HOXA3: variants seen among roughly 807,000 people sequenced by gnomAD.
The protein encoded by HOXA3 is homeobox protein Hox-A3.
Under a neutral mutation model 30.3 loss-of-function variants are expected in HOXA3, and 8 were observed. That is an observed-to-expected ratio of 0.26 (90% CI 0.15 to 0.48). HOXA3 has a LOEUF of 0.48. HOXA3 is among the 20% of genes least tolerant of loss of function. The pLI is 0.99. For missense variants in HOXA3, 653 were observed against 614.4 expected, an observed-to-expected ratio of 1.06 and a Z score of -0.66; for synonymous variants, 323 against 273.1, an observed-to-expected ratio of 1.18 and a Z score of -1.80.
intron 2 of HOXA3, among the ~76,000 whole-genome samples, chr7:27,136,025 C>T (rs573589980): frequency 2.6e-4 from 39 of 152,364 alleles, no homozygotes; most frequent in African/African-American, 7.9e-4. Context: ...GTGATACACG[C>T]GTCACTCTGA....
At chr7:27,145,987 C>CTTGTGGGAGGCACTGGG in intron 1 of HOXA3, 1 of 1,534,326 alleles carries the variant, frequency 6.5e-7, no homozygotes, top group Non-Finnish European at 8.7e-7. Flanking sequence ...CCCAGTGCCT[C>CTTGTGGGAGGCACTGGG]CCACAAGAGG....
intron 4 of HOXA3, chr7:27,115,625 C>G (rs1784680369): frequency 6.6e-6 from 1 of 152,256 alleles, no homozygotes; most frequent in African/African-American, 2.4e-5. Context: ...CGAGGGCTCC[C>G]GAGCAAGGGC....
chr7:27,107,864 A>C lies in HOXA3; in HGVS notation c.*51T>G. The C allele has an allele frequency of 7.9e-7, 1 of 1,270,272 alleles. No homozygotes were observed. The allele number at this position is 1,270,272 out of a possible 1,614,324, so 78.7% of individuals were successfully genotyped here. A position where few individuals can be genotyped will look rare whatever the true frequency, so the allele number is the denominator to read the frequency against. Reference sequence around the variant, plus strand: ...AAAAAAAAAAAAAAGCAACCAAAGAAAAAAGGTGGGTGGGGGGAGACTCTC... The same window carrying C: ...AAAAAAAAAAAAAAGCAACCAAAGACAAAAGGTGGGTGGGGGGAGACTCTC... On this transcript the variant is annotated 3_prime_UTR_variant, in exon 6 of 6. Transcript: ENST00000612286.
chr7:27,108,861 G>T lies in HOXA3; in HGVS notation c.527-141C>A. On this transcript the variant is annotated intron_variant, in intron 5 of 5. Coordinates refer to ENST00000612286, the MANE Select transcript of HOXA3 (RefSeq NM_153631.3). This position sits in a 1 kb window ranked among gnomAD's most constrained non-coding sequence, Gnocchi z 5.0. ...TCCCAGAGAGAAGTAGGAACTAGGT[G>T]CTATCCTCTCTCCTGGTGGGTAAAA... 1.6e-6 allele frequency: 1 copy of T among 627,418 alleles called. No homozygotes were observed. Among genetic ancestry groups the T allele is most frequent in the Non-Finnish European group, 2.8e-6 (1 of 362,924 alleles). 38.9% of individuals were successfully genotyped at this position (627,418 alleles called of 1,614,324 possible).
Position 27,108,345 on chromosome 7 carries a change from G to T in HOXA3, c.902C>A (p.Pro301His), listed in dbSNP as rs200545147. Residue 301 changes from proline (P) to histidine (H), a missense_variant, in exon 6 of 6, where the codon CCC becomes CAC. This residue lies in a region of HOXA3 where 330 missense variants were observed against 274.4 expected (regional missense o/e 1.20). Transcript: ENST00000612286. This position sits in a 1 kb window ranked among gnomAD's most constrained non-coding sequence, Gnocchi z 5.0. ...PQSPPPFSKP[P>H]QGTYGLPPAS... Reference sequence around the variant, plus strand: ...GGGGGGCAGCCCGTAGGTACCCTGGGGGGGCTTGGAGAAGGGCGGGGGCGA... The same window carrying T: ...GGGGGGCAGCCCGTAGGTACCCTGGTGGGGCTTGGAGAAGGGCGGGGGCGA... The T allele has an allele frequency of 5.3e-6, 8 of 1,518,400 alleles. No homozygotes were observed. The highest frequency in any genetic ancestry group is 1.4e-5 in the African/African-American group (1 of 72,990). The allele number at this position is 1,518,400 out of a possible 1,614,324, so 94.1% of individuals were successfully genotyped here.
At chr7:27,130,582 TG>T in intron 2 of HOXA3, 2 of 1,505,490 alleles carry the variant, frequency 1.3e-6, no homozygotes, top group Non-Finnish European at 1.8e-6. Flanking sequence ...CGGCAGGTGC[TG>T]GGTCGGGGGC....
chr7:27,145,873 T>G, intron 1 of HOXA3: 1 of 1,614,166 alleles, frequency 6.2e-7, no homozygotes, highest in Non-Finnish European at 8.5e-7. Flanking sequence ...TGGTAGCGCG[T>G]GTAGGTCTGG....
intron 4 of HOXA3, chr7:27,115,854 C>A (rs963840226): frequency 2.0e-5 from 3 of 152,534 alleles, no homozygotes; most frequent in Non-Finnish European, 4.4e-5. Context: ...AGCGTCCTGG[C>A]ATGCAGATGG....
chr7:27,136,814 A>G (rs1785729021), intron 2 of HOXA3, among the ~76,000 whole-genome samples: 1 of 152,224 alleles, frequency 6.6e-6, no homozygotes, highest in Non-Finnish European at 1.5e-5. Context: ...AACAACAAAC[A>G]AAACAAACCT....
intron 1 of HOXA3, chr7:27,143,340 C>T (rs1782642383): frequency 4.4e-6 from 7 of 1,593,792 alleles, no homozygotes; most frequent in Admixed American, 1.7e-5. Context: ...GTGGACGTGG[C>T]CGGCTGGCTG....
At chr7:27,144,959 G>A (rs1444865121) in intron 1 of HOXA3, among the ~76,000 whole-genome samples, 5 of 152,292 alleles carry the variant, frequency 3.3e-5, no homozygotes, top group African/African-American at 7.2e-5. Context: ...ATCCGGAGCC[G>A]GGAGCCTACC....
At chr7:27,147,634 G>C (rs1190369577) in intron 1 of HOXA3, 7 of 1,614,168 alleles carry the variant, frequency 4.3e-6, no homozygotes, top group South Asian at 1.1e-5. Flanking sequence ...GTACGAGGCC[G>C]GGAAGGGCCT....
At chr7:27,118,255 C>T (rs537610080) in intron 4 of HOXA3, among the ~76,000 whole-genome samples, 2 of 152,232 alleles carry the variant, frequency 1.3e-5, no homozygotes, top group East Asian at 1.9e-4. Context: ...GAGCGCTCTC[C>T]GGAGAAGGGG....
intron 1 of HOXA3, chr7:27,143,257 G>A (rs764768499): frequency 3.1e-6 from 5 of 1,608,126 alleles, no homozygotes; most frequent in Non-Finnish European, 3.4e-6. Flanking sequence ...AGTTTTTCCC[G>A]CCGTGGTGGC....
At chr7:27,120,394 A>T (rs1014218231) in intron 4 of HOXA3, among the ~76,000 whole-genome samples, 1 of 151,948 alleles carries the variant, frequency 6.6e-6, no homozygotes. Flanking sequence ...TACAAAAATT[A>T]GCCAGGCATG....
intron 2 of HOXA3, among the ~76,000 whole-genome samples, chr7:27,139,463 C>A (rs1163691560): frequency 6.6e-6 from 1 of 152,232 alleles, no homozygotes; most frequent in Admixed American, 6.5e-5. Flanking sequence ...CTGCCACCCT[C>A]CCGCTCTCGC....
At chr7:27,115,787 C>T (rs1046077005) in intron 4 of HOXA3, 1 of 152,262 alleles carries the variant, frequency 6.6e-6, no homozygotes, top group Admixed American at 6.5e-5. Flanking sequence ...ATACGTGGCT[C>T]CTGGGCCGCG....
At chr7:27,130,883 T>G in intron 2 of HOXA3, 2 of 619,426 alleles carry the variant, frequency 3.2e-6, no homozygotes, top group East Asian at 3.3e-5. Context: ...CTCCTCCCCC[T>G]CCCGCAGACG....
chr7:27,125,937 C>T (rs1250403029), intron 3 of HOXA3, among the ~76,000 whole-genome samples: 1 of 152,122 alleles, frequency 6.6e-6, no homozygotes, highest in East Asian at 1.9e-4. Flanking sequence ...AGGGAGGAGG[C>T]TGAGATATAG....
Sources: gnomAD v4.1 joint callset for allele counts (sites outside exome capture counted in the v4.1 genomes callset) on GRCh38, gnomAD v4.1.1 for gene constraint, gnomAD v4.1.1 regional missense constraint, Gnocchi (gnomAD v3.1) non-coding constraint, MANE v1.5 for transcripts, NCBI Gene and HGNC (gene_info 2026-07-23, HGNC 2026-07-21) for gene names.